The following HSPBAP1 variants were observed in gnomAD, a reference collection of about 807,000 sequenced individuals.
HSPBAP1 encodes HSPB1-associated protein 1.
HSPBAP1 carries 27 observed loss-of-function variants against 45.2 expected under a neutral mutation model. The ratio of observed to expected loss-of-function variants is 0.60; its 90% CI spans 0.44 to 0.82. The LOEUF (loss-of-function observed/expected upper bound fraction) is 0.82. Among genes scored for constraint, HSPBAP1 ranks in the 40% least tolerant of loss-of-function variants. HSPBAP1 has a pLI of 0.00. For synonymous variants in HSPBAP1, 204 were observed against 202.7 expected, an observed-to-expected ratio of 1.01 and a Z score of -0.06; for missense variants, 510 against 590.9, an observed-to-expected ratio of 0.86 and a Z score of 1.42.
chr3:122,764,941 G>C (rs1934722699), intron 3 of HSPBAP1, among the ~76,000 whole-genome samples: 1 of 152,176 alleles, frequency 6.6e-6, no homozygotes, highest in South Asian at 2.1e-4. Context: ...AAGTCACCAG[G>C]ACACAGAATC....
intron 4 of HSPBAP1, among the ~76,000 whole-genome samples, chr3:122,756,715 A>T (rs972280094): frequency 6.6e-6 from 1 of 151,970 alleles, no homozygotes; most frequent in African/African-American, 2.4e-5. Flanking sequence ...AAAAAAAAAA[A>T]AATTCATTTC....
intron 1 of HSPBAP1, among the ~76,000 whole-genome samples, chr3:122,783,032 C>T (rs781252702): frequency 6.6e-6 from 1 of 152,154 alleles, no homozygotes; most frequent in Non-Finnish European, 1.5e-5. Context: ...ACACAGTCAT[C>T]ATTCTAAGTG....
Position 122,768,758 on chromosome 3 carries a change from A to T in HSPBAP1, c.375T>A (p.Ala125=), listed in dbSNP as rs1478766002. The part of the protein sequence containing the change: ...FRDYDHSKFW[A]YADYKYFVSL... ...TGACAAAATATTTATAGTCAGCATA[A>T]GCCCAGAACTTGGAATGGTCATAAT... Residue 125 remains alanine, a synonymous_variant, in exon 3 of 8, where the codon GCT becomes GCA. Coordinates refer to ENST00000306103, the MANE Select transcript of HSPBAP1 (RefSeq NM_024610.6). 3 of 1,613,206 alleles carry T rather than the reference A, an allele frequency of 1.9e-6. No individual in the cohort carries two copies. In the South Asian group the frequency reaches 3.3e-5, roughly 18 times the overall value.
chr3:122,779,199 G>T lies in HSPBAP1; in HGVS notation c.65-1293C>A, dbSNP rs146097311. On this transcript the variant is annotated intron_variant, in intron 1 of 7. Coordinates refer to ENST00000306103, the MANE Select transcript of HSPBAP1 (RefSeq NM_024610.6). ...TGGGATTACAGGCACCCGCCACCTC[G>T]CCAGGTTAATTTTTTGTATTTTTAG... Among the ~76,000 whole-genome samples the T allele has an allele frequency of 1.3e-3, 203 of 151,676 alleles. 6 individuals are homozygous for T. In the East Asian group the frequency reaches 0.038, roughly 29 times the overall value.
Position 122,780,479 on chromosome 3 carries a change from C to T in HSPBAP1, c.65-2573G>A, listed in dbSNP as rs1473403280. On this transcript the variant is annotated intron_variant, in intron 1 of 7. Transcript: ENST00000306103. ...GCCGGGCAGAGGCGCCCCTCACCTCCCGGACGGGGCAGCTGGCCGGGCGGG... is the reference window on the plus strand; with the variant it reads ...GCCGGGCAGAGGCGCCCCTCACCTCTCGGACGGGGCAGCTGGCCGGGCGGG... Among the ~76,000 whole-genome samples, 285 of 126,904 alleles carry T rather than the reference C, an allele frequency of 2.2e-3. 10 individuals are homozygous for T. The highest frequency in any genetic ancestry group is 9.1e-3 in the African/African-American group (274 of 29,950). 83.3% of individuals were successfully genotyped at this position (126,904 alleles called of 152,430 possible). A position where few individuals can be genotyped will look rare whatever the true frequency, so the allele number is the denominator to read the frequency against.
At chr3:122,781,037 G>T (rs2107536803) in intron 1 of HSPBAP1, among the ~76,000 whole-genome samples, 1 of 151,066 alleles carries the variant, frequency 6.6e-6, no homozygotes, top group South Asian at 2.1e-4. Context: ...TAGATGGGAT[G>T]GCGGCCGGGC....
intron 6 of HSPBAP1, among the ~76,000 whole-genome samples, chr3:122,751,874 A>G (rs1378131540): frequency 6.6e-6 from 1 of 152,240 alleles, no homozygotes; most frequent in African/African-American, 2.4e-5. Flanking sequence ...TCCTATTAGC[A>G]AAGGATAGGA....
In HSPBAP1 at chr3:122,793,653, G is replaced by A; in HGVS notation, c.28C>T (p.Pro10Ser). Reference sequence around the variant, plus strand: ...CCAGCCCCAGCCGCAACGATCACAGGAGTGGTCGCCTCGGAGCCTGCTGCC... The same window carrying A: ...CCAGCCCCAGCCGCAACGATCACAGAAGTGGTCGCCTCGGAGCCTGCTGCC... Reference protein sequence around the residue: MAAGSEATTPVIVAAGAGGE... With the variant: MAAGSEATTSVIVAAGAGGE... The change falls in exon 1 of 8, where the codon CCT (proline) becomes TCT (serine). Residue 10 changes from proline to serine, a missense_variant. Physicochemically the swap from Pro to Ser is moderately conservative, Grantham distance 74. Transcript: ENST00000306103. 1 of 1,613,960 alleles carries A rather than the reference G, an allele frequency of 6.2e-7. No individual in the cohort carries two copies. The highest frequency in any genetic ancestry group is 1.6e-4 in the Middle Eastern group (1 of 6,062).
chr3:122,772,209 AT>A (rs1394189130), intron 2 of HSPBAP1, among the ~76,000 whole-genome samples: 2 of 152,234 alleles, frequency 1.3e-5, no homozygotes, highest in Non-Finnish European at 2.9e-5. Context: ...AAGATACAGT[AT>A]TATAACAATG....
chr3:122,785,950 CT>C (rs913205797), intron 1 of HSPBAP1, among the ~76,000 whole-genome samples: 1 of 151,984 alleles, frequency 6.6e-6, no homozygotes, highest in African/African-American at 2.4e-5. Flanking sequence ...GCGAGTCAGC[CT>C]TTTTGCCCTC....
At chr3:122,770,097 T>G (rs576708995) in intron 2 of HSPBAP1, among the ~76,000 whole-genome samples, 1 of 151,612 alleles carries the variant, frequency 6.6e-6, no homozygotes, top group South Asian at 2.1e-4. Flanking sequence ...TTTCAACAGC[T>G]TTTATCTTTT....
chr3:122,773,693 A>G (rs548220691), intron 2 of HSPBAP1, among the ~76,000 whole-genome samples: 2 of 152,190 alleles, frequency 1.3e-5, no homozygotes, highest in Non-Finnish European at 2.9e-5. Flanking sequence ...GCTTGAGTGC[A>G]GTAGCATGAT....
chr3:122,768,838 C>A lies in HSPBAP1; in HGVS notation c.295G>T (p.Glu99Ter), dbSNP rs574083990. Residue 99 changes from glutamate to a stop codon, truncating the protein, a stop_gained, in exon 3 of 8, where the codon GAA becomes TAA. Coordinates refer to ENST00000306103, the MANE Select transcript of HSPBAP1 (RefSeq NM_024610.6). LOFTEE classifies it high-confidence loss of function. ...TTCNYVEATL[E>*]EFLTWNCDQS... ...TCACAGTTCCAGGTCAGAAACTCTT[C>A]GAGTGTAGCTTCTACGTAATTACAT... 1.9e-6 allele frequency: 3 copies of A among 1,612,790 alleles called. No homozygotes were observed. Among genetic ancestry groups the A allele is most frequent in the Non-Finnish European group, 2.5e-6 (3 of 1,178,838 alleles).
intron 2 of HSPBAP1, among the ~76,000 whole-genome samples, chr3:122,773,303 GTTTTTTTTTTTTTT>G (rs36065763): frequency 5.9e-5 from 5 of 84,428 alleles, no homozygotes; most frequent in Non-Finnish European, 1.1e-4. Context: ...AAATAAATGT[GTTTTTTTTTTTTTT>G]TTTTTTTTTG....
intron 6 of HSPBAP1, 25 bp from the exon 7 acceptor site, chr3:122,741,138 A>G: frequency 1.3e-6 from 2 of 1,517,900 alleles, no homozygotes; most frequent in Non-Finnish European, 9.2e-7. Flanking sequence ...CACGCTTTTA[A>G]CTTCTGTTAA....
chr3:122,778,469 G>C (rs1224695983), intron 1 of HSPBAP1, among the ~76,000 whole-genome samples: 1 of 151,014 alleles, frequency 6.6e-6, no homozygotes, highest in Non-Finnish European at 1.5e-5. Context: ...TTTTCCAAGG[G>C]TATACAAATA....
chr3:122,753,380 G>A (rs1188631741), intron 5 of HSPBAP1: 10 of 533,378 alleles, frequency 1.9e-5, no homozygotes, highest in Non-Finnish European at 2.1e-5. Flanking sequence ...TTTAGGGACA[G>A]CGGACTTCAG....
In HSPBAP1 at chr3:122,777,947, C is replaced by G. The variant is rs769644302; in HGVS notation, c.65-41G>C. 3.0e-6 allele frequency: 4 copies of G among 1,351,634 alleles called. No homozygotes were observed. The African/African-American group carries it at 5.8e-5, about 20-fold the overall frequency. 83.7% of individuals were successfully genotyped at this position (1,351,634 alleles called of 1,614,324 possible). A position where few individuals can be genotyped will look rare whatever the true frequency, so the allele number is the denominator to read the frequency against. On this transcript the variant is annotated intron_variant, in intron 1 of 7. Coordinates refer to ENST00000306103, the MANE Select transcript of HSPBAP1 (RefSeq NM_024610.6). ...AATACAGCAATAGATAGAAAACTAT[C>G]AAGTTTTTTCATACAATATGGAGAA...
chr3:122,788,877 T>A (rs1245484313), intron 1 of HSPBAP1, among the ~76,000 whole-genome samples: 7 of 152,318 alleles, frequency 4.6e-5, no homozygotes, highest in Middle Eastern at 3.4e-3. Context: ...ACCTTCACAA[T>A]GTTGTGTACC....
Sources: gnomAD v4.1 joint callset for allele counts (sites outside exome capture counted in the v4.1 genomes callset) on GRCh38, gnomAD v4.1.1 for gene constraint, MANE v1.5 for transcripts, NCBI Gene and HGNC (gene_info 2026-07-23, HGNC 2026-07-21) for gene names.